LMO3: variants seen among roughly 807,000 people sequenced by gnomAD.
LMO3 encodes LIM domain only 3.
LMO3 carries 2 observed loss-of-function variants against 15.8 expected under a neutral mutation model. That is an observed-to-expected ratio of 0.13 (90% confidence interval 0.05 to 0.40). The LOEUF is 0.40. LMO3 is among the 10% of genes least tolerant of loss of function. The pLI, the probability that LMO3 is intolerant of heterozygous loss-of-function variation, is 0.99. For synonymous variants in LMO3, 62 were observed against 63.8 expected (o/e 0.97, Z 0.13); for missense variants, 86 against 182.2 (o/e 0.47, Z 3.04).
chr12:16,600,632 T>A (rs1386674453), intron 2 of LMO3, 23 bp downstream of exon 2: 1 of 1,595,560 alleles, frequency 6.3e-7, no homozygotes. Context: ...CAGTCATCAC[T>A]GGTGTGCAAG....
chr12:16,575,977 T>C (rs1268887926), intron 2 of LMO3, among the ~76,000 whole-genome samples: 1 of 151,976 alleles, frequency 6.6e-6, no homozygotes, highest in Non-Finnish European at 1.5e-5. Context: ...GTCTTGAACT[T>C]AACTTTGAAT....
Position 16,599,523 on chromosome 12 carries a change from T to C in LMO3, c.206+1132A>G, listed in dbSNP as rs1943757297. The stretch of plus-strand genomic sequence containing the variant: ...AAAACACCTCATCAAATGACCAAGG[T>C]ACTAAAGGAGTTACCATTGATTGAT... On this transcript the variant is annotated intron_variant, in intron 2 of 3. Coordinates refer to ENST00000537304, the MANE Select transcript of LMO3 (RefSeq NM_018640.5). The surrounding 1 kb of genome is among the most constrained non-coding windows in gnomAD (Gnocchi z 4.1). 1 of 152,150 alleles carries C rather than the reference T, an allele frequency of 6.6e-6. No homozygotes were observed. Among genetic ancestry groups the C allele is most frequent in the Admixed American group, 6.6e-5 (1 of 15,264 alleles). The allele number at this position is 152,150 out of a possible 1,614,324, so 9.4% of individuals were successfully genotyped here. A position where few individuals can be genotyped will look rare whatever the true frequency, so the allele number is the denominator to read the frequency against.
chr12:16,566,857 G>A (rs535514724), intron 2 of LMO3, among the ~76,000 whole-genome samples: 5 of 152,220 alleles, frequency 3.3e-5, no homozygotes, highest in Non-Finnish European at 7.4e-5. Context: ...GAATGAAAAG[G>A]AAAGAGAAGA....
intron 2 of LMO3, among the ~76,000 whole-genome samples, chr12:16,561,025 CAT>C (rs1942385353): frequency 6.6e-6 from 1 of 152,046 alleles, no homozygotes; most frequent in Non-Finnish European, 1.5e-5. Context: ...AGTCAAAAAA[CAT>C]AGAGGCGCAT....
chr12:16,556,423 T>G (rs1030826778), intron 3 of LMO3, among the ~76,000 whole-genome samples: 4 of 151,564 alleles, frequency 2.6e-5, no homozygotes, highest in South Asian at 2.1e-4. Flanking sequence ...GATCTATATA[T>G]AAGGGACAAT....
rs764246297 is a variant in LMO3, at chr12:16,550,121, C to T, written c.*1101G>A. On this transcript the variant is annotated 3_prime_UTR_variant, in exon 4 of 4. Transcript: ENST00000537304. The stretch of plus-strand genomic sequence containing the variant: ...AGATTCTATGAGCATTATGTTGCTC[C>T]GATCAAAAGTAACCTCACTACTCAA... 4 of 151,886 alleles carry T rather than the reference C, an allele frequency of 2.6e-5. No individual in the cohort carries two copies. Among genetic ancestry groups the T allele is most frequent in the Non-Finnish European group, 4.4e-5 (3 of 67,866 alleles). 9.4% of individuals were successfully genotyped at this position (151,886 alleles called of 1,614,324 possible). A position where few individuals can be genotyped will look rare whatever the true frequency, so the allele number is the denominator to read the frequency against.
chr12:16,566,321 GTGT>G (rs542136092), intron 2 of LMO3, among the ~76,000 whole-genome samples: 51 of 151,854 alleles, frequency 3.4e-4, no homozygotes, highest in African/African-American at 1.2e-3. Flanking sequence ...ATAAGTTCTG[GTGT>G]TCTGTTATTG....
Position 16,589,333 on chromosome 12 carries a change from AAC to A in LMO3, c.206+11320_206+11321del, listed in dbSNP as rs1422720286. Among the ~76,000 whole-genome samples the A allele has an allele frequency of 3.3e-5, 5 of 152,252 alleles. No individual in the cohort carries two copies. Among genetic ancestry groups the A allele is most frequent in the Non-Finnish European group, 7.4e-5 (5 of 67,998 alleles). Reference sequence around the variant, plus strand: ...TACCTAATGTAGTAGAATAATGAGAAACACATGATGAGACATTTAAAATATAC... The same window carrying A: ...TACCTAATGTAGTAGAATAATGAGAAACATGATGAGACATTTAAAATATAC... On this transcript the variant is annotated intron_variant, in intron 2 of 3. Coordinates refer to ENST00000537304, the MANE Select transcript of LMO3 (RefSeq NM_018640.5). The surrounding 1 kb of genome is among the most constrained non-coding windows in gnomAD (Gnocchi z 4.2).
chr12:16,600,092 C>T (rs1943773369), intron 2 of LMO3: 1 of 152,356 alleles, frequency 6.6e-6, no homozygotes, highest in African/African-American at 2.4e-5. Flanking sequence ...ACCTGACTTC[C>T]TCTGACACAC....
intron 2 of LMO3, among the ~76,000 whole-genome samples, chr12:16,583,948 C>T (rs1353103977): frequency 6.6e-6 from 1 of 152,156 alleles, no homozygotes; most frequent in Non-Finnish European, 1.5e-5. Flanking sequence ...AGTGCTATTA[C>T]AAGTGAAACA....
Position 16,560,993 on chromosome 12 carries a change from T to C in LMO3, c.207-455A>G, listed in dbSNP as rs1158092235. Among the ~76,000 whole-genome samples the C allele has an allele frequency of 6.6e-6, 1 of 152,162 alleles. No homozygotes were observed. Among genetic ancestry groups the C allele is most frequent in the East Asian group, 1.9e-4 (1 of 5,200 alleles). ...GTTTGCCATTATTATTAAAAATACA[T>C]TTATGAAGAAGCCATTTAAATAGTC... On this transcript the variant is annotated intron_variant, in intron 2 of 3. Coordinates refer to ENST00000537304, the MANE Select transcript of LMO3 (RefSeq NM_018640.5). This position sits in a 1 kb window ranked among gnomAD's most constrained non-coding sequence, Gnocchi z 5.0.
At chr12:16,570,420 C>T (rs1182867244) in intron 2 of LMO3, among the ~76,000 whole-genome samples, 2 of 151,136 alleles carry the variant, frequency 1.3e-5, no homozygotes, top group Non-Finnish European at 2.9e-5. Flanking sequence ...TTACTCATCT[C>T]GTAATTAAGG....
At chr12:16,590,759 T>C (rs1943468602) in intron 2 of LMO3, among the ~76,000 whole-genome samples, 1 of 152,054 alleles carries the variant, frequency 6.6e-6, no homozygotes, top group Non-Finnish European at 1.5e-5. Context: ...AGATATTCCA[T>C]TTGCCATATT....
chr12:16,575,802 T>C (rs1279946097), intron 2 of LMO3, among the ~76,000 whole-genome samples: 1 of 88,966 alleles, frequency 1.1e-5, no homozygotes, highest in African/African-American at 4.6e-5. Context: ...AGGAAGTGCT[T>C]ATACATAAAG....
chr12:16,560,996 A>T lies in LMO3; in HGVS notation c.207-458T>A, dbSNP rs894305031. 6.6e-6 allele frequency among the ~76,000 whole-genome samples: 1 copy of T among 152,192 alleles called. No homozygotes were observed. The highest frequency in any genetic ancestry group is 1.5e-5 in the Non-Finnish European group (1 of 68,022). ...TGCCATTATTATTAAAAATACATTT[A>T]TGAAGAAGCCATTTAAATAGTCAAA... is the stretch of plus-strand genomic sequence containing the variant. On this transcript the variant is annotated intron_variant, in intron 2 of 3. Transcript: ENST00000537304. This position sits in a 1 kb window ranked among gnomAD's most constrained non-coding sequence, Gnocchi z 5.0.
At chr12:16,573,911 C>T (rs748143531) in intron 2 of LMO3, 1 of 152,178 alleles carries the variant, frequency 6.6e-6, no homozygotes, top group Non-Finnish European at 1.5e-5. Context: ...CTTTTCACAC[C>T]TGATAGGCCC....
At chr12:16,579,263 A>G (rs1943088208) in intron 2 of LMO3, among the ~76,000 whole-genome samples, 2 of 152,234 alleles carry the variant, frequency 1.3e-5, no homozygotes, top group South Asian at 2.1e-4. Flanking sequence ...GAATTAGGAA[A>G]CCAAGAACAA....
chr12:16,557,069 G>A (rs764090813), intron 3 of LMO3, among the ~76,000 whole-genome samples: 1 of 152,096 alleles, frequency 6.6e-6, no homozygotes, highest in Non-Finnish European at 1.5e-5. Flanking sequence ...AATTGTGAAT[G>A]CAACTTTTTA....
intron 2 of LMO3, among the ~76,000 whole-genome samples, chr12:16,588,732 T>G (rs143265863): frequency 1.4e-4 from 22 of 152,264 alleles, no homozygotes; most frequent in African/African-American, 5.1e-4. Context: ...TCCACCCATC[T>G]CCTTTGCACA....
Sources: gnomAD v4.1 joint callset for allele counts (sites outside exome capture counted in the v4.1 genomes callset) on GRCh38, gnomAD v4.1.1 for gene constraint, Gnocchi (gnomAD v3.1) non-coding constraint, MANE v1.5 for transcripts, NCBI Gene and HGNC (gene_info 2026-07-23, HGNC 2026-07-21) for gene names.